The following WDR35 variants were observed in gnomAD, a reference collection of about 807,000 sequenced individuals.
WDR35 encodes the protein WD repeat-containing protein 35.
WDR35 carries 118 observed loss-of-function variants against 158.3 expected under a neutral mutation model. The observed-to-expected ratio is 0.75, with a 90% confidence interval of 0.64 to 0.87. The LOEUF (loss-of-function observed/expected upper bound fraction) is 0.87, where lower values mean the gene tolerates loss of function less well. Among genes scored for constraint, WDR35 ranks in the 40% least tolerant of loss-of-function variants. The probability of loss-of-function intolerance (pLI) is 0.00; values close to 1 mark genes in which losing one functional copy is unlikely to be tolerated. For synonymous variants in WDR35, 448 were observed against 476.1 expected, an observed-to-expected ratio of 0.94 and a Z score of 0.77; for missense variants, 1,263 against 1,405.8, an observed-to-expected ratio of 0.90 and a Z score of 1.62.
At chr2:19,931,851 A>G (rs1670535915) in intron 23 of WDR35, among the ~76,000 whole-genome samples, 1 of 152,156 alleles carries the variant, frequency 6.6e-6, no homozygotes, top group Admixed American at 6.5e-5. Context: ...ATTAAATCAA[A>G]TGGGAATAGA....
chr2:19,911,770 A>G lies in WDR35; in HGVS notation c.*1788T>C, dbSNP rs1348622045. On this transcript the variant is annotated 3_prime_UTR_variant, in exon 27 of 27. Transcript: ENST00000281405. Reference sequence around the variant, plus strand: ...CACAAAGATACCAAATATTCATGATACACTAAGTATGCATGAGACATATAA... The same window carrying G: ...CACAAAGATACCAAATATTCATGATGCACTAAGTATGCATGAGACATATAA... 6.6e-6 allele frequency: 1 copy of G among 152,256 alleles called. No individual in the cohort carries two copies. Among genetic ancestry groups the G allele is most frequent in the Non-Finnish European group, 1.5e-5 (1 of 68,048 alleles). 9.4% of individuals were successfully genotyped at this position (152,256 alleles called of 1,614,324 possible). A position where few individuals can be genotyped will look rare whatever the true frequency, so the allele number is the denominator to read the frequency against.
intron 13 of WDR35, among the ~76,000 whole-genome samples, chr2:19,950,290 A>G (rs1572340849): frequency 6.6e-6 from 1 of 152,318 alleles, no homozygotes; most frequent in Admixed American, 6.5e-5. Context: ...TATTAAATGT[A>G]ATGTGTAGAT....
chr2:19,974,180 G>A (rs986399725), intron 7 of WDR35, among the ~76,000 whole-genome samples: 36 of 152,122 alleles, frequency 2.4e-4, no homozygotes, highest in Non-Finnish European at 1.2e-4. Flanking sequence ...GGAGGCTGAG[G>A]CAGGTGGATC....
intron 25 of WDR35, among the ~76,000 whole-genome samples, chr2:19,920,196 C>G (rs1670127575): frequency 6.6e-6 from 1 of 152,028 alleles, no homozygotes; most frequent in Non-Finnish European, 1.5e-5. Flanking sequence ...TTCCAAACAA[C>G]AGAAAAAGAG....
At chr2:19,925,011 C>T (rs1035512906) in intron 25 of WDR35, among the ~76,000 whole-genome samples, 1 of 152,226 alleles carries the variant, frequency 6.6e-6, no homozygotes, top group Non-Finnish European at 1.5e-5. Context: ...CCGTCCTGGG[C>T]CCCATTCCAA....
chr2:19,955,855 G>T (rs1290644903), intron 11 of WDR35, among the ~76,000 whole-genome samples: 2 of 152,200 alleles, frequency 1.3e-5, no homozygotes, highest in South Asian at 2.1e-4. Context: ...TAACAACTCA[G>T]GGATTAAATT....
At chr2:19,925,815 G>GA (rs1670339281) in intron 25 of WDR35, among the ~76,000 whole-genome samples, 3 of 152,108 alleles carry the variant, frequency 2.0e-5, no homozygotes, top group Admixed American at 1.3e-4. Context: ...TATGGGACTA[G>GA]AAAAAAATCT....
At chr2:19,988,805 T>A (rs1197477655) in intron 2 of WDR35, among the ~76,000 whole-genome samples, 1 of 152,220 alleles carries the variant, frequency 6.6e-6, no homozygotes, top group Non-Finnish European at 1.5e-5. Flanking sequence ...GCAGAAAGGA[T>A]GACACAGACC....
intron 11 of WDR35, among the ~76,000 whole-genome samples, chr2:19,956,769 C>G (rs1409629660): frequency 6.6e-6 from 1 of 151,662 alleles, no homozygotes; most frequent in South Asian, 2.1e-4. Flanking sequence ...TACAGGCGCG[C>G]GCCACCATGC....
chr2:19,946,479 G>A lies in WDR35; in HGVS notation c.1616C>T (p.Ser539Phe). 3 of 1,613,516 alleles carry A rather than the reference G, an allele frequency of 1.9e-6. No individual in the cohort carries two copies. The highest frequency in any genetic ancestry group is 1.7e-4 in the Middle Eastern group (1 of 6,056). Residue 539 changes from serine to phenylalanine, a missense_variant, in exon 15 of 27, where the codon TCC becomes TTC. Ser to Phe is a radical substitution (Grantham distance 155). Transcript: ENST00000281405. ...GGCTTACCTAGAGTTGCAATTCAAG[G>A]ATAACTGGTAGGCTCGACAATTAAG... ...YSLNCRAYQL[S>F]LNCNSSRLAI...
At chr2:19,924,188 A>G (rs1670278801) in intron 25 of WDR35, among the ~76,000 whole-genome samples, 1 of 152,216 alleles carries the variant, frequency 6.6e-6, no homozygotes. Flanking sequence ...TGTGGAGAAC[A>G]ATACGCTTCC....
intron 3 of WDR35, among the ~76,000 whole-genome samples, chr2:19,981,495 T>C (rs935906780): frequency 6.6e-6 from 1 of 152,204 alleles, no homozygotes; most frequent in African/African-American, 2.4e-5. Flanking sequence ...ACAGTGCATT[T>C]AGTTGTTATA....
At chr2:19,988,577 T>C (rs1672646384) in intron 2 of WDR35, among the ~76,000 whole-genome samples, 1 of 152,200 alleles carries the variant, frequency 6.6e-6, no homozygotes, top group Non-Finnish European at 1.5e-5. Context: ...AGTCATTCAG[T>C]AGTCTTGTGG....
chr2:19,951,512 A>C (rs770006225), intron 12 of WDR35, 28 bp from the exon 13 acceptor site: 2 of 1,555,914 alleles, frequency 1.3e-6, no homozygotes, highest in African/African-American at 2.7e-5. Flanking sequence ...ATTTCAAAGA[A>C]AGTTTAAGTA....
At chr2:19,982,587 A>T (rs1253414718) in intron 2 of WDR35, 53 bp from the exon 3 acceptor site, 1 of 1,561,012 alleles carries the variant, frequency 6.4e-7, no homozygotes, top group Non-Finnish European at 8.8e-7. Flanking sequence ...GTGACATATT[A>T]TAAGATTTTG....
At chr2:19,924,463 C>T (rs1213509725) in intron 25 of WDR35, among the ~76,000 whole-genome samples, 1 of 152,150 alleles carries the variant, frequency 6.6e-6, no homozygotes, top group Non-Finnish European at 1.5e-5. Flanking sequence ...AATCAGGAGG[C>T]TGAGGCAGGA....
At chr2:19,957,108 A>G (rs1262604494) in intron 11 of WDR35, among the ~76,000 whole-genome samples, 1 of 152,192 alleles carries the variant, frequency 6.6e-6, no homozygotes, top group African/African-American at 2.4e-5. Context: ...AGAGCTGGAC[A>G]CAAACCTGGT....
Position 19,933,427 on chromosome 2 carries a change from C to T in WDR35, c.2632G>A (p.Val878Ile). Reference protein sequence around the residue: ...FLKCSQPKAAVDTCVHLNQWN... With the variant: ...FLKCSQPKAAIDTCVHLNQWN... ...TGGTTGAGATGTACGCAGGTATCTA[C>T]TGCTGCCTTTGGTTGACTACATTTC... The change falls in exon 22 of 27, where the codon GTA becomes ATA. Residue 878 changes from valine to isoleucine, a missense_variant. By Grantham distance (29) the Val-to-Ile change is conservative. Transcript: ENST00000281405. 6.2e-7 allele frequency: 1 copy of T among 1,613,892 alleles called. No homozygotes were observed. The highest frequency in any genetic ancestry group is 8.5e-7 in the Non-Finnish European group (1 of 1,179,866).
At chr2:19,935,713 G>A in intron 20 of WDR35, 110 bp from the exon 21 acceptor site, 1 of 1,246,566 alleles carries the variant, frequency 8.0e-7, no homozygotes, top group Non-Finnish European at 1.1e-6. Flanking sequence ...TAGTATTACT[G>A]TTCATTATCT....
Sources: gnomAD v4.1 joint callset for allele counts (sites outside exome capture counted in the v4.1 genomes callset) on GRCh38, gnomAD v4.1.1 for gene constraint, MANE v1.5 for transcripts, NCBI Gene and HGNC (gene_info 2026-07-23, HGNC 2026-07-21) for gene names.